Variants in DTNB observed in about 807,000 individuals in gnomAD.
The protein encoded by DTNB is dystrobrevin beta.
In DTNB, 63 loss-of-function variants were observed where a neutral mutation model predicts 90.7. The ratio of observed to expected loss-of-function variants is 0.69; its 90% CI spans 0.57 to 0.86. DTNB has a LOEUF of 0.86. DTNB is among the 40% of genes least tolerant of loss of function. DTNB has a pLI of 0.00. For missense variants in DTNB, 744 were observed against 807.1 expected, an observed-to-expected ratio of 0.92 and a Z score of 0.95; for synonymous variants, 277 against 286.7, an observed-to-expected ratio of 0.97 and a Z score of 0.34.
At chr2:25,453,043 T>TAA (rs149023326) in intron 11 of DTNB, among the ~76,000 whole-genome samples, 1 of 148,400 alleles carries the variant, frequency 6.7e-6, no homozygotes, top group African/African-American at 2.5e-5. Context: ...TCTTTTAAAT[T>TAA]AAAAAAAAAA....
chr2:25,503,374 G>A (rs2071368683), intron 9 of DTNB, among the ~76,000 whole-genome samples: 1 of 151,844 alleles, frequency 6.6e-6, no homozygotes, highest in African/African-American at 2.4e-5. Flanking sequence ...CGTGCCTGTG[G>A]TCCTACTACT....
intron 9 of DTNB, among the ~76,000 whole-genome samples, chr2:25,515,392 T>C (rs2074877913): frequency 6.6e-6 from 1 of 152,190 alleles, no homozygotes; most frequent in African/African-American, 2.4e-5. Flanking sequence ...TGTTAAGTTA[T>C]AGTAACCAAG....
chr2:25,554,397 T>C (rs1221969988), intron 8 of DTNB, among the ~76,000 whole-genome samples: 2 of 151,962 alleles, frequency 1.3e-5, no homozygotes, highest in Non-Finnish European at 2.9e-5. Flanking sequence ...AAAAAATTTA[T>C]TGAGAATTTT....
intron 8 of DTNB, among the ~76,000 whole-genome samples, chr2:25,555,374 G>T (rs188996985): frequency 2.0e-5 from 3 of 149,828 alleles, no homozygotes; most frequent in Non-Finnish European, 4.4e-5. Context: ...CTATATGCTT[G>T]ATATATTTCA....
chr2:25,490,355 G>T (rs1292747444), intron 9 of DTNB, among the ~76,000 whole-genome samples: 1 of 152,100 alleles, frequency 6.6e-6, no homozygotes, highest in African/African-American at 2.4e-5. Flanking sequence ...CTTAAGAGTG[G>T]AGACGGTTTT....
At chr2:25,598,635 C>T (rs772881182) in intron 5 of DTNB, among the ~76,000 whole-genome samples, 8 of 152,130 alleles carry the variant, frequency 5.3e-5, no homozygotes, top group Non-Finnish European at 8.8e-5. Context: ...TACAAAAACA[C>T]ATAAGCAGGA....
chr2:25,434,275 C>A (rs751799950), intron 12 of DTNB, among the ~76,000 whole-genome samples: 1 of 151,992 alleles, frequency 6.6e-6, no homozygotes, highest in African/African-American at 2.4e-5. Flanking sequence ...GGCAGCCATG[C>A]GTCTGCTTTC....
chr2:25,543,369 G>C (rs370409240), intron 8 of DTNB, among the ~76,000 whole-genome samples: 5 of 151,474 alleles, frequency 3.3e-5, no homozygotes, highest in Admixed American at 3.3e-4. Flanking sequence ...GCAGTGGCAC[G>C]ATCTCGACTC....
At position 25,402,562 on chromosome 2, in the gene DTNB, C is replaced by A. The variant is rs558396338; in HGVS notation, c.1576-14201G>T. Among the ~76,000 whole-genome samples the A allele has an allele frequency of 1.5e-4, 22 of 149,622 alleles. 1 individual carries two copies. In the East Asian group the frequency reaches 3.8e-3, roughly 26 times the overall value. Reference sequence around the variant, plus strand: ...TAAAGAGTTTTATGAAGTCTCTCACCACCGCTAACACACATTTACCTATTA... The same window carrying A: ...TAAAGAGTTTTATGAAGTCTCTCACAACCGCTAACACACATTTACCTATTA... On this transcript the variant is annotated intron_variant, in intron 16 of 20. Transcript: ENST00000406818.
intron 15 of DTNB, among the ~76,000 whole-genome samples, chr2:25,420,067 C>T (rs935345086): frequency 2.0e-5 from 3 of 152,084 alleles, no homozygotes; most frequent in Non-Finnish European, 4.4e-5. Context: ...CCCACCAAAC[C>T]GAAGCTCTAG....
intron 3 of DTNB, among the ~76,000 whole-genome samples, chr2:25,632,083 T>C (rs2075872078): frequency 6.7e-6 from 1 of 149,170 alleles, no homozygotes; most frequent in Non-Finnish European, 1.5e-5. Flanking sequence ...TAATCACAAC[T>C]ACTCGGGAGG....
chr2:25,451,487 C>T (rs2059275082), intron 12 of DTNB, 61 bp downstream of exon 12: 1 of 1,517,284 alleles, frequency 6.6e-7, no homozygotes, highest in South Asian at 1.2e-5. Context: ...ATTCCCTTTC[C>T]ATTTGCATAT....
At chr2:25,416,792 G>GGAAGGAAGGAAT (rs2048045209) in intron 16 of DTNB, among the ~76,000 whole-genome samples, 1 of 134,818 alleles carries the variant, frequency 7.4e-6, no homozygotes, top group African/African-American at 2.8e-5. Flanking sequence ...CTGGAAGGAA[G>GGAAGGAAGGAAT]GAAGGAAGGA....
At chr2:25,480,121 C>A (rs533028491) in intron 10 of DTNB, among the ~76,000 whole-genome samples, 2 of 152,310 alleles carry the variant, frequency 1.3e-5, no homozygotes, top group South Asian at 4.1e-4. Context: ...TAATTAGTAT[C>A]CACATGGTAT....
In DTNB at chr2:25,673,494, C is replaced by T. The variant is rs990728844; in HGVS notation, c.-110G>A. 5 of 150,880 alleles carry T rather than the reference C, an allele frequency of 3.3e-5. No individual in the cohort carries two copies. The highest frequency in any genetic ancestry group is 1.2e-4 in the African/African-American group (5 of 41,312). 9.3% of individuals were successfully genotyped at this position (150,880 alleles called of 1,614,324 possible). On this transcript the variant is annotated 5_prime_UTR_variant, in exon 1 of 21. Transcript: ENST00000406818. ...TCGGCTGAGGCAGCGGCAGCGCCTA[C>T]TCAGGCCCCGGAGCCACCCCCGCGG...
At chr2:25,591,552 CTTATT>C (rs908588286) in intron 6 of DTNB, among the ~76,000 whole-genome samples, 4 of 152,148 alleles carry the variant, frequency 2.6e-5, no homozygotes, top group African/African-American at 9.7e-5. Context: ...ACATTTACTA[CTTATT>C]TTAAACAACT....
At chr2:25,641,429 C>G (rs763144389) in intron 2 of DTNB, among the ~76,000 whole-genome samples, 3 of 152,162 alleles carry the variant, frequency 2.0e-5, no homozygotes, top group Non-Finnish European at 4.4e-5. Flanking sequence ...AGTCCTCATC[C>G]ATTACCTCAA....
chr2:25,475,195 A>C (rs2063531385), intron 10 of DTNB, among the ~76,000 whole-genome samples: 1 of 152,264 alleles, frequency 6.6e-6, no homozygotes, highest in East Asian at 1.9e-4. Flanking sequence ...CTCTTGTGCC[A>C]AACAGTCAAG....
chr2:25,454,760 C>T (rs1034180484), intron 11 of DTNB, among the ~76,000 whole-genome samples: 2 of 152,204 alleles, frequency 1.3e-5, no homozygotes, highest in Non-Finnish European at 2.9e-5. Context: ...CTCTTATTAA[C>T]AGTGAGTCAC....
Sources: gnomAD v4.1 joint callset for allele counts (sites outside exome capture counted in the v4.1 genomes callset) on GRCh38, gnomAD v4.1.1 for gene constraint, MANE v1.5 for transcripts, NCBI Gene and HGNC (gene_info 2026-07-23, HGNC 2026-07-21) for gene names.